Variants in GALNT18 observed in about 807,000 individuals in gnomAD.
GALNT18 encodes GalNAc-transferase 18.
Under a neutral mutation model 69.5 loss-of-function variants are expected in GALNT18, and 44 were observed. The observed-to-expected ratio is 0.63, with a 90% CI of 0.50 to 0.81. The LOEUF (loss-of-function observed/expected upper bound fraction) is 0.81. Among genes scored for constraint, GALNT18 ranks in the 40% least tolerant of loss-of-function variants. GALNT18 has a pLI of 0.00. For synonymous variants in GALNT18, 364 were observed against 318.2 expected (o/e 1.14, Z -1.53); for missense variants, 715 against 810.0 (o/e 0.88, Z 1.42).
At position 11,356,088 on chromosome 11, in the gene GALNT18, G is replaced by A. The variant is rs1850524181; in HGVS notation, c.1093-15084C>T. Among the ~76,000 whole-genome samples, 1 of 152,190 alleles carries A rather than the reference G, an allele frequency of 6.6e-6. No individual in the cohort carries two copies. The highest frequency in any genetic ancestry group is 2.4e-5 in the African/African-American group (1 of 41,440). ...AGCACCTACAGCACTAGAAAAAAAT[G>A]TGCTCACAGGTACCCTGCCCTTTGC... On this transcript the variant is annotated intron_variant, in intron 6 of 10. Transcript: ENST00000227756. This position sits in a 1 kb window ranked among gnomAD's most constrained non-coding sequence, Gnocchi z 4.4.
At chr11:11,304,049 G>A (rs958102268) in intron 9 of GALNT18, among the ~76,000 whole-genome samples, 1 of 152,166 alleles carries the variant, frequency 6.6e-6, no homozygotes, top group African/African-American at 2.4e-5. Context: ...GAATGGAGCT[G>A]TTACAAAGAG....
intron 1 of GALNT18, among the ~76,000 whole-genome samples, chr11:11,553,895 C>T (rs1858261543): frequency 6.6e-6 from 1 of 152,204 alleles, no homozygotes; most frequent in Non-Finnish European, 1.5e-5. Context: ...ATGGGCACAT[C>T]CCTAAGGCAG....
chr11:11,379,130 C>A lies in GALNT18; in HGVS notation c.730G>T (p.Ala244Ser). The A allele has an allele frequency of 6.2e-7, 1 of 1,610,820 alleles. No individual in the cohort carries two copies. The highest frequency in any genetic ancestry group is 1.3e-5 in the African/African-American group (1 of 74,986). Reference protein sequence around the residue: ...SRVSGWRAATAPVVALFDAHV... With the variant: ...SRVSGWRAATSPVVALFDAHV... ...GCATCAAAGAGTGCCACCACAGGGG[C>A]AGTGGCCGCCCTCCAGCCACTGACC... is the stretch of plus-strand genomic sequence containing the variant. Residue 244 changes from alanine (A) to serine (S), a missense_variant, in exon 4 of 11, where the codon GCC becomes TCC. By Grantham distance (99) the Ala-to-Ser change is moderately conservative. Transcript: ENST00000227756.
intron 9 of GALNT18, among the ~76,000 whole-genome samples, chr11:11,323,453 T>C (rs1168755028): frequency 1.3e-5 from 2 of 152,162 alleles, no homozygotes; most frequent in Non-Finnish European, 2.9e-5. Flanking sequence ...TTCCATTAGC[T>C]CTTAAGGCTC....
At position 11,306,924 on chromosome 11, in the gene GALNT18, C is replaced by T. The variant is rs951174445; in HGVS notation, c.1513-13731G>A. On this transcript the variant is annotated intron_variant, in intron 9 of 10. Coordinates refer to ENST00000227756, the MANE Select transcript of GALNT18 (RefSeq NM_198516.3). ...CACAAGCATAGACCTGATGGGCACT[C>T]GTGCATTGGTGCTGGCCTTCTCTTG... Among the ~76,000 whole-genome samples, 7 of 152,342 alleles carry T rather than the reference C, an allele frequency of 4.6e-5. No individual in the cohort carries two copies. In the East Asian group the frequency reaches 5.8e-4, roughly 13 times the overall value.
At chr11:11,533,153 A>C (rs1276907347) in intron 1 of GALNT18, among the ~76,000 whole-genome samples, 1 of 152,118 alleles carries the variant, frequency 6.6e-6, no homozygotes, top group Non-Finnish European at 1.5e-5. Context: ...GTCTGGCCTC[A>C]GAGATACCTG....
intron 1 of GALNT18, among the ~76,000 whole-genome samples, chr11:11,502,497 C>G (rs1308088824): frequency 6.6e-6 from 1 of 152,228 alleles, no homozygotes; most frequent in African/African-American, 2.4e-5. Flanking sequence ...AGGAAGCAAA[C>G]AGAGAAGGAA....
At chr11:11,409,226 C>T (rs562732205) in intron 3 of GALNT18, among the ~76,000 whole-genome samples, 19 of 152,140 alleles carry the variant, frequency 1.2e-4, no homozygotes, top group Non-Finnish European at 2.5e-4. Flanking sequence ...AGCCAGGATG[C>T]TCTTCTCCCC....
intron 10 of GALNT18, among the ~76,000 whole-genome samples, chr11:11,290,794 C>T (rs1380863833): frequency 6.6e-6 from 1 of 152,178 alleles, no homozygotes; most frequent in Admixed American, 6.5e-5. Context: ...AACCCAGAGG[C>T]CCAGCAGGTC....
In GALNT18 at chr11:11,543,688, C is replaced by G. The variant is rs573486798; in HGVS notation, c.235+77671G>C. ...CCACTGACCTGATGCGAATCCCATC[C>G]ATCCCTAGGACCTAGGCTTTTACAA... On this transcript the variant is annotated intron_variant, in intron 1 of 10. Coordinates refer to ENST00000227756, the MANE Select transcript of GALNT18 (RefSeq NM_198516.3). This position sits in a 1 kb window ranked among gnomAD's most constrained non-coding sequence, Gnocchi z 5.1. Among the ~76,000 whole-genome samples, 1 of 152,330 alleles carries G rather than the reference C, an allele frequency of 6.6e-6. No individual in the cohort carries two copies. The highest frequency in any genetic ancestry group is 6.5e-5 in the Admixed American group (1 of 15,312).
rs149014189 is a variant in GALNT18, at chr11:11,538,671, G to A, written c.235+82688C>T. On this transcript the variant is annotated intron_variant, in intron 1 of 10. Transcript: ENST00000227756. This position sits in a 1 kb window ranked among gnomAD's most constrained non-coding sequence, Gnocchi z 5.2. The stretch of plus-strand genomic sequence containing the variant: ...TCCTCCCTTCCTAGAGGTGCCTCCC[G>A]GAGCTCTGGTTTCCCAGTCAGTAAA... Among the ~76,000 whole-genome samples, 12 of 152,244 alleles carry A rather than the reference G, an allele frequency of 7.9e-5. No homozygotes were observed. The highest frequency in any genetic ancestry group is 7.7e-4 in the East Asian group (4 of 5,164).
intron 9 of GALNT18, among the ~76,000 whole-genome samples, chr11:11,305,693 A>G (rs1325651678): frequency 6.6e-6 from 1 of 152,172 alleles, no homozygotes; most frequent in Non-Finnish European, 1.5e-5. Context: ...GCAGAATTAC[A>G]TAGAAGGATT....
chr11:11,550,047 A>G (rs572270579), intron 1 of GALNT18, among the ~76,000 whole-genome samples: 19 of 152,338 alleles, frequency 1.2e-4, no homozygotes, highest in Middle Eastern at 3.4e-3. Context: ...CTGTGCCTCC[A>G]GGACAGGACT....
At position 11,496,532 on chromosome 11, in the gene GALNT18, A is replaced by G. The variant is rs71478970; in HGVS notation, c.236-47596T>C. Among the ~76,000 whole-genome samples the G allele has an allele frequency of 0.021, 3,181 of 152,330 alleles. 55 individuals are homozygous for G. The highest frequency in any genetic ancestry group is 0.038 in the South Asian group (184 of 4,824). ...TTAGGAAAAGATTTCCTCTTCATCA[A>G]TTCTACTTTTCTAAAGAACAAGCAG... On this transcript the variant is annotated intron_variant, in intron 1 of 10. Coordinates refer to ENST00000227756, the MANE Select transcript of GALNT18 (RefSeq NM_198516.3). The surrounding 1 kb of genome is among the most constrained non-coding windows in gnomAD (Gnocchi z 4.0).
chr11:11,436,964 T>G lies in GALNT18; in HGVS notation c.429-4177A>C, dbSNP rs1392990751. 6.6e-6 allele frequency among the ~76,000 whole-genome samples: 1 copy of G among 152,190 alleles called. No individual in the cohort carries two copies. The highest frequency in any genetic ancestry group is 1.5e-5 in the Non-Finnish European group (1 of 68,038). Reference sequence around the variant, plus strand: ...GTGGCCTTTGCTCCCAAATCTGTACTGCTAAGATGCCCTCCCAGAGCACCT... The same window carrying G: ...GTGGCCTTTGCTCCCAAATCTGTACGGCTAAGATGCCCTCCCAGAGCACCT... On this transcript the variant is annotated intron_variant, in intron 2 of 10. Coordinates refer to ENST00000227756, the MANE Select transcript of GALNT18 (RefSeq NM_198516.3). This position sits in a 1 kb window ranked among gnomAD's most constrained non-coding sequence, Gnocchi z 4.5.
chr11:11,601,338 A>G lies in GALNT18; in HGVS notation c.235+20021T>C, dbSNP rs145854014. On this transcript the variant is annotated intron_variant, in intron 1 of 10. Coordinates refer to ENST00000227756, the MANE Select transcript of GALNT18 (RefSeq NM_198516.3). The surrounding 1 kb of genome is among the most constrained non-coding windows in gnomAD (Gnocchi z 4.0). ...ACTTCAGTGAAGTCCTTTTCCCCCA[A>G]CAGTGTGTAGTCTCTAATACTACTT... is the stretch of plus-strand genomic sequence containing the variant. 7.5e-3 allele frequency among the ~76,000 whole-genome samples: 1,143 copies of G among 152,288 alleles called. 19 individuals carry two copies. The highest frequency in any genetic ancestry group is 0.026 in the African/African-American group (1,087 of 41,554).
intron 1 of GALNT18, among the ~76,000 whole-genome samples, chr11:11,504,776 T>TA (rs397799431): frequency 1.3e-5 from 2 of 151,354 alleles, no homozygotes; most frequent in Non-Finnish European, 2.9e-5. Context: ...TATATATATA[T>TA]TGGGTTATGG....
intron 1 of GALNT18, among the ~76,000 whole-genome samples, chr11:11,594,816 C>CATATATATATATATATAT (rs1206038267): frequency 8.2e-6 from 1 of 121,516 alleles, no homozygotes; most frequent in African/African-American, 3.0e-5. Context: ...TTATCTTGGG[C>CATATATATATATATATAT]ATATATATAT....
At chr11:11,405,971 C>T (rs1252042224) in intron 3 of GALNT18, among the ~76,000 whole-genome samples, 5 of 152,190 alleles carry the variant, frequency 3.3e-5, no homozygotes, top group Non-Finnish European at 7.3e-5. Context: ...AAGGTGTCGG[C>T]AGTCCTGCTG....
Sources: allele counts gnomAD v4.1 joint callset (sites outside exome capture counted in the v4.1 genomes callset), GRCh38; gene constraint gnomAD v4.1.1; non-coding constraint Gnocchi (gnomAD v3.1); transcripts MANE v1.5; gene names NCBI Gene and HGNC (gene_info 2026-07-23, HGNC 2026-07-21).